Variants in RMDN2 observed in about 807,000 individuals in gnomAD.
The protein encoded by RMDN2 is regulator of microtubule dynamics protein 2.
RMDN2 carries 61 observed loss-of-function variants against 52.8 expected under a neutral mutation model. That is an observed-to-expected ratio of 1.16 (90% CI 0.94 to 1.43). The LOEUF (loss-of-function observed/expected upper bound fraction) is 1.43. RMDN2 is among the 40% of genes most tolerant of loss of function. The probability of loss-of-function intolerance (pLI) is 0.00; values close to 1 mark genes in which losing one functional copy is unlikely to be tolerated. For missense variants in RMDN2, 592 were observed against 475.3 expected (o/e 1.25, Z -2.28); for synonymous variants, 180 against 153.1 (o/e 1.18, Z -1.30).
In RMDN2 at chr2:37,985,718, C is replaced by A. The variant is rs184869313; in HGVS notation, c.792-3823C>A. On this transcript the variant is annotated intron_variant, in intron 5 of 10. Transcript: ENST00000354545. Reference sequence around the variant, plus strand: ...AAGTAACAGGGTATATGATGGATCACAACAGTAACTCAAAAGATTTTAACA... The same window carrying A: ...AAGTAACAGGGTATATGATGGATCAAAACAGTAACTCAAAAGATTTTAACA... 1.2e-3 allele frequency among the ~76,000 whole-genome samples: 177 copies of A among 151,880 alleles called. 2 individuals are homozygous for A. The highest frequency in any genetic ancestry group is 4.1e-3 in the African/African-American group (168 of 41,404).
At chr2:37,999,622 A>C (rs1434292578) in intron 8 of RMDN2, among the ~76,000 whole-genome samples, 3 of 152,124 alleles carry the variant, frequency 2.0e-5, no homozygotes, top group African/African-American at 7.2e-5. Flanking sequence ...CTGTGGTGGA[A>C]CTAAGAAATC....
intron 10 of RMDN2, among the ~76,000 whole-genome samples, chr2:38,055,943 A>T (rs1681841490): frequency 1.3e-5 from 2 of 152,272 alleles, no homozygotes; most frequent in African/African-American, 2.4e-5. Context: ...GTTAACAAGT[A>T]GGGTGATGGA....
intron 2 of RMDN2, among the ~76,000 whole-genome samples, chr2:37,972,114 G>A (rs1219482809): frequency 3.9e-5 from 6 of 151,978 alleles, no homozygotes; most frequent in Admixed American, 1.3e-4. Flanking sequence ...TGAGGTCACT[G>A]CAAATTGAAT....
At position 37,961,275 on chromosome 2, in the gene RMDN2, A is replaced by G. The variant is rs527651337; in HGVS notation, c.453-12765A>G. Among the ~76,000 whole-genome samples, 5 of 152,176 alleles carry G rather than the reference A, an allele frequency of 3.3e-5. No homozygotes were observed. In the East Asian group the frequency reaches 9.7e-4, roughly 30 times the overall value. ...GGAAGTTCTTCTGGATAATATCCTG[A>G]AGAGTGTTTTCCAACTTGGTTCCAT... On this transcript the variant is annotated intron_variant, in intron 2 of 10. Coordinates refer to ENST00000354545, the MANE Select transcript of RMDN2 (RefSeq NM_001170791.3).
At chr2:37,954,850 A>G (rs1394244645) in intron 2 of RMDN2, among the ~76,000 whole-genome samples, 1 of 152,000 alleles carries the variant, frequency 6.6e-6, no homozygotes, top group Non-Finnish European at 1.5e-5. Flanking sequence ...ATGTCTTTCT[A>G]TTTGTATCTT....
chr2:38,014,891 G>C (rs1174494494), intron 10 of RMDN2, among the ~76,000 whole-genome samples: 2 of 152,184 alleles, frequency 1.3e-5, no homozygotes, highest in Non-Finnish European at 2.9e-5. Context: ...AAAATTTGAT[G>C]AGTGTTTTGG....
intron 10 of RMDN2, among the ~76,000 whole-genome samples, chr2:38,044,080 C>T (rs1402723424): frequency 6.6e-6 from 1 of 151,980 alleles, no homozygotes; most frequent in African/African-American, 2.4e-5. Flanking sequence ...TACTGACCTG[C>T]CTTGCAAGAA....
chr2:38,040,231 C>T (rs1680871580), intron 10 of RMDN2, among the ~76,000 whole-genome samples: 1 of 152,012 alleles, frequency 6.6e-6, no homozygotes, highest in East Asian at 1.9e-4. Flanking sequence ...ATTTCTGTGT[C>T]TATTCTTTTA....
chr2:38,011,549 T>C (rs1398923960), intron 10 of RMDN2, among the ~76,000 whole-genome samples: 2 of 152,152 alleles, frequency 1.3e-5, no homozygotes, highest in African/African-American at 4.8e-5. Flanking sequence ...ATCTGAACTA[T>C]AAACAAATAA....
intron 10 of RMDN2, among the ~76,000 whole-genome samples, chr2:38,064,328 A>T (rs1476287918): frequency 6.6e-6 from 1 of 152,076 alleles, no homozygotes; most frequent in African/African-American, 2.4e-5. Context: ...CGTGTCTACT[A>T]AAAATACAAA....
At chr2:38,049,601 C>T (rs573107116) in intron 10 of RMDN2, among the ~76,000 whole-genome samples, 10 of 152,312 alleles carry the variant, frequency 6.6e-5, no homozygotes, top group African/African-American at 2.4e-4. Context: ...GAGCCAAGGT[C>T]TCACTCTGTC....
In RMDN2 at chr2:37,967,875, G is replaced by C. The variant is rs567669107; in HGVS notation, c.453-6165G>C. Reference sequence around the variant, plus strand: ...ATGTACAAAAGACAACATTGATATGGTTCAATTCCCAGGACCCTCAGTTCT... The same window carrying C: ...ATGTACAAAAGACAACATTGATATGCTTCAATTCCCAGGACCCTCAGTTCT... On this transcript the variant is annotated intron_variant, in intron 2 of 10. Transcript: ENST00000354545. Among the ~76,000 whole-genome samples, 8 of 152,244 alleles carry C rather than the reference G, an allele frequency of 5.3e-5. No homozygotes were observed. The South Asian group carries it at 1.7e-3, about 32-fold the overall frequency.
intron 2 of RMDN2, among the ~76,000 whole-genome samples, chr2:37,957,597 C>G (rs1232843685): frequency 2.0e-5 from 3 of 152,118 alleles, no homozygotes; most frequent in African/African-American, 7.2e-5. Context: ...TGTAGGTTGC[C>G]TGTTCACTCT....
intron 10 of RMDN2, among the ~76,000 whole-genome samples, chr2:38,065,988 C>T (rs1682261582): frequency 6.6e-6 from 1 of 151,938 alleles, no homozygotes; most frequent in African/African-American, 2.4e-5. Flanking sequence ...ATCTTATGGC[C>T]TAAAAAAATA....
chr2:37,970,753 T>C (rs1048533810), intron 2 of RMDN2, among the ~76,000 whole-genome samples: 2 of 152,156 alleles, frequency 1.3e-5, no homozygotes, highest in Admixed American at 1.3e-4. Context: ...AACATTTGAG[T>C]TTTTGTTCTT....
Position 38,017,167 on chromosome 2 carries a change from A to G in RMDN2, c.1180-19A>G. 5 of 1,454,836 alleles carry G rather than the reference A, an allele frequency of 3.4e-6. No individual in the cohort carries two copies. Among genetic ancestry groups the G allele is most frequent in the Non-Finnish European group, 4.7e-6 (5 of 1,074,454 alleles). The allele number at this position is 1,454,836 out of a possible 1,614,324, so 90.1% of individuals were successfully genotyped here. A position where few individuals can be genotyped will look rare whatever the true frequency, so the allele number is the denominator to read the frequency against. On this transcript the variant is annotated intron_variant, in intron 10 of 10. Transcript: ENST00000354545. ...ATGAATGCATGAAATTTCATTATGT[A>G]TTTGTATTTTCTTTATAGGATAAAG...
chr2:37,977,565 T>C (rs13397505), intron 4 of RMDN2, among the ~76,000 whole-genome samples: 61,096 of 149,312 alleles, frequency 0.41, 13,449 homozygotes, highest in East Asian at 0.81. Flanking sequence ...AGTTCCCAGA[T>C]GGGGCGGCTG....
intron 10 of RMDN2, among the ~76,000 whole-genome samples, chr2:38,052,396 T>C (rs1681659382): frequency 6.6e-6 from 1 of 152,230 alleles, no homozygotes; most frequent in African/African-American, 2.4e-5. Flanking sequence ...TTCTGTTTTG[T>C]TGAGTTCCTT....
At chr2:38,012,920 G>T (rs6715693) in intron 10 of RMDN2, among the ~76,000 whole-genome samples, 84,021 of 151,972 alleles carry the variant, frequency 0.55, 24,050 homozygotes, top group East Asian at 0.89. Flanking sequence ...TGCATTATAG[G>T]CATTTGTGGA....
Sources: gnomAD v4.1 joint callset for allele counts (sites outside exome capture counted in the v4.1 genomes callset) on GRCh38, gnomAD v4.1.1 for gene constraint, MANE v1.5 for transcripts, NCBI Gene and HGNC (gene_info 2026-07-23, HGNC 2026-07-21) for gene names.